Variants in RSL1D1 observed in about 807,000 individuals in gnomAD.
RSL1D1 encodes the protein ribosomal L1 domain-containing protein 1.
A neutral mutation model predicts 44.6 loss-of-function variants in RSL1D1; 34 were observed. The ratio of observed to expected loss-of-function variants is 0.76; its 90% CI spans 0.58 to 1.02. The LOEUF (loss-of-function observed/expected upper bound fraction) is 1.02, where lower values mean the gene tolerates loss of function less well. Ranked by LOEUF, RSL1D1 falls within the 50% of genes least tolerant of loss-of-function variation. The pLI, the probability that RSL1D1 is intolerant of heterozygous loss-of-function variation, is 0.00. For synonymous variants in RSL1D1, 271 were observed against 207.4 expected, an observed-to-expected ratio of 1.31 and a Z score of -2.63; for missense variants, 767 against 568.1, an observed-to-expected ratio of 1.35 and a Z score of -3.56.
rs914256454 is a variant in RSL1D1 at position 11,838,213 on chromosome 16, G to A, written c.1147-100C>T. ...TTTATTTGTATTTATTTATTTTTCA[G>A]ACTGAGTTTCGCTCTTGCTGCCCAT... On this transcript the variant is annotated intron_variant, in intron 8 of 8. Coordinates refer to ENST00000571133, the MANE Select transcript of RSL1D1 (RefSeq NM_015659.3). 8.3e-6 allele frequency: 9 copies of A among 1,085,976 alleles called. No individual in the cohort carries two copies. The African/African-American group carries it at 1.3e-4, about 15-fold the overall frequency. 67.3% of individuals were successfully genotyped at this position (1,085,976 alleles called of 1,614,324 possible).
chr16:11,844,538 C>T (rs1371276014), intron 5 of RSL1D1, among the ~76,000 whole-genome samples: 1 of 152,208 alleles, frequency 6.6e-6, no homozygotes, highest in African/African-American at 2.4e-5. Context: ...CTTCATTACA[C>T]CTGATGAAGG....
Position 11,848,701 on chromosome 16 carries a change from C to T in RSL1D1, c.246-895G>A, listed in dbSNP as rs769083827. ...TAGAGACAGGGTTTCGCCACATAGC[C>T]TGGGCTGGTCTTGAATTTGTGGGCT... is the stretch of plus-strand genomic sequence containing the variant. On this transcript the variant is annotated intron_variant, in intron 2 of 8. Transcript: ENST00000571133. 5.3e-4 allele frequency among the ~76,000 whole-genome samples: 81 copies of T among 152,234 alleles called. 1 individual carries two copies. The highest frequency in any genetic ancestry group is 8.8e-4 in the Non-Finnish European group (60 of 68,022).
At chr16:11,839,347 C>G (rs2053745779) in intron 8 of RSL1D1, among the ~76,000 whole-genome samples, 3 of 140,024 alleles carry the variant, frequency 2.1e-5, no homozygotes, top group Non-Finnish European at 3.0e-5. Flanking sequence ...GCCTGGGTGA[C>G]AGAGTGAGAC....
At position 11,834,647 on chromosome 16, in the gene RSL1D1, C is replaced by T. The variant is rs1347108696; in HGVS notation, c.*3140G>A. The T allele has an allele frequency of 6.6e-6, 1 of 152,208 alleles. No individual in the cohort carries two copies. The highest frequency in any genetic ancestry group is 2.4e-5 in the African/African-American group (1 of 41,462). 9.4% of individuals were successfully genotyped at this position (152,208 alleles called of 1,614,324 possible). A position where few individuals can be genotyped will look rare whatever the true frequency, so the allele number is the denominator to read the frequency against. On this transcript the variant is annotated 3_prime_UTR_variant, in exon 9 of 9. Coordinates refer to ENST00000571133, the MANE Select transcript of RSL1D1 (RefSeq NM_015659.3). ...CTTTAAGTGAAACAAGTCTATCCAA[C>T]CATCTTCCCATAAAACCTAGTTTCT...
At chr16:11,845,191 G>A (rs367709139) in intron 5 of RSL1D1, among the ~76,000 whole-genome samples, 7 of 152,168 alleles carry the variant, frequency 4.6e-5, no homozygotes, top group African/African-American at 1.7e-4. Flanking sequence ...GGTGGGTCAC[G>A]CCTATAATCT....
Position 11,839,957 on chromosome 16 carries a change from T to A in RSL1D1, c.884A>T (p.Asn295Ile). 1 of 1,612,454 alleles carries A rather than the reference T, an allele frequency of 6.2e-7. No individual in the cohort carries two copies. The highest frequency in any genetic ancestry group is 8.5e-7 in the Non-Finnish European group (1 of 1,179,474). Residue 295 changes from asparagine to isoleucine, a missense_variant, in exon 8 of 9, where the codon AAT becomes ATT. By Grantham distance (149) the Asn-to-Ile change is moderately radical (BLOSUM62 -3). Transcript: ENST00000571133. ...CTTCCTCTCCTTTTGTTTTTCAAAA[T>A]TTCTTTCTCTTCGTTTTCTCCTTGC... ...KEARRKRRERNFEKQKERKKK... is the reference protein window; with the variant it reads ...KEARRKRRERIFEKQKERKKK...
At chr16:11,847,286 A>C (rs1353648324) in intron 3 of RSL1D1, among the ~76,000 whole-genome samples, 1 of 152,106 alleles carries the variant, frequency 6.6e-6, no homozygotes, top group Non-Finnish European at 1.5e-5. Flanking sequence ...GAGGTGGGAG[A>C]ATAGCTTGAA....
At chr16:11,849,097 T>C (rs766293162) in intron 2 of RSL1D1, among the ~76,000 whole-genome samples, 6 of 151,956 alleles carry the variant, frequency 3.9e-5, no homozygotes, top group Non-Finnish European at 5.9e-5. Flanking sequence ...CTTTTAAGAA[T>C]TGAAACAGCC....
At chr16:11,846,460 T>A (rs1408715189) in intron 5 of RSL1D1, 41 bp downstream of exon 5, 1 of 998,854 alleles carries the variant, frequency 1.0e-6, no homozygotes, top group Non-Finnish European at 1.5e-6. Flanking sequence ...CATTGTCAAA[T>A]ACAAGATTAA....
At chr16:11,850,964 A>G in intron 1 of RSL1D1, 1 of 233,526 alleles carries the variant, frequency 4.3e-6, no homozygotes, top group South Asian at 4.6e-5. Context: ...TGCTGGGATT[A>G]CAGGCGTGAG....
chr16:11,844,636 C>T (rs981374467), intron 5 of RSL1D1, among the ~76,000 whole-genome samples: 1 of 152,188 alleles, frequency 6.6e-6, no homozygotes, highest in Non-Finnish European at 1.5e-5. Flanking sequence ...AGACACTCCC[C>T]TGGGGTCAGG....
rs2053717966 is a variant in RSL1D1, at chr16:11,836,306, T to G, written c.*1481A>C. The G allele has an allele frequency of 6.6e-6, 1 of 152,216 alleles. No homozygotes were observed. Among genetic ancestry groups the G allele is most frequent in the Non-Finnish European group, 1.5e-5 (1 of 68,052 alleles). The allele number at this position is 152,216 out of a possible 1,614,324, so 9.4% of individuals were successfully genotyped here. On this transcript the variant is annotated 3_prime_UTR_variant, in exon 9 of 9. Coordinates refer to ENST00000571133, the MANE Select transcript of RSL1D1 (RefSeq NM_015659.3). ...ACTGGACTTTGTCACCCCCACGACC[T>G]GGTGTTGGGTCTGGTCACCCTAACA...
At chr16:11,846,208 C>T (rs1172620555) in intron 5 of RSL1D1, among the ~76,000 whole-genome samples, 8 of 151,158 alleles carry the variant, frequency 5.3e-5, no homozygotes, top group East Asian at 2.0e-4. Flanking sequence ...CTGGCTAACT[C>T]GGTGAAACCC....
rs1008423170 is a variant in RSL1D1, at chr16:11,846,522, A to G, written c.614T>C (p.Ile205Thr). 9.5e-6 allele frequency: 15 copies of G among 1,582,644 alleles called. No homozygotes were observed. In the East Asian group the frequency reaches 3.3e-4, roughly 35 times the overall value. ...CTACCTGCAAGAACCACTTTTAGAAATGTTTAAGACTGTTCCACCTATACA... is the reference window on the plus strand; with the variant it reads ...CTACCTGCAAGAACCACTTTTAGAAGTGTTTAAGACTGTTCCACCTATACA... ...NDCIGGTVLN[I>T]SKSGSCSAIR... The change falls in exon 5 of 9, where the codon ATT becomes ACT. Residue 205 changes from isoleucine to threonine, a missense_variant. Ile to Thr is a moderately conservative substitution (Grantham distance 89). Transcript: ENST00000571133.
Position 11,846,556 on chromosome 16 carries a change from T to A in RSL1D1, c.580A>T (p.Ile194Phe), listed in dbSNP as rs1202510427. Reference sequence around the variant, plus strand: ...ACTGTTCCACCTATACAGTCATTGATCTCTCTTGATAAATTCTTGGACAGA... The same window carrying A: ...ACTGTTCCACCTATACAGTCATTGAACTCTCTTGATAAATTCTTGGACAGA... ...NLLSKNLSREINDCIGGTVLN... is the reference protein window; with the variant it reads ...NLLSKNLSREFNDCIGGTVLN... The change falls in exon 5 of 9, where the codon ATC becomes TTC. Residue 194 changes from isoleucine (I) to phenylalanine (F), a missense_variant. Physicochemically the swap from Ile to Phe is conservative, Grantham distance 21 (BLOSUM62 0). Transcript: ENST00000571133. The A allele has an allele frequency of 6.2e-7, 1 of 1,607,872 alleles. No individual in the cohort carries two copies. The highest frequency in any genetic ancestry group is 8.5e-7 in the Non-Finnish European group (1 of 1,177,426).
At chr16:11,844,790 G>A (rs752051637) in intron 5 of RSL1D1, among the ~76,000 whole-genome samples, 17 of 152,282 alleles carry the variant, frequency 1.1e-4, no homozygotes, top group Admixed American at 2.0e-4. Flanking sequence ...TCTCCACACC[G>A]CAGTCAGCAA....
intron 5 of RSL1D1, among the ~76,000 whole-genome samples, chr16:11,842,655 T>C (rs201827135): frequency 7.4e-6 from 1 of 134,500 alleles, no homozygotes; most frequent in African/African-American, 3.0e-5. Context: ...ATTATACACA[T>C]GAGTCACCAC....
Position 11,835,588 on chromosome 16 carries a change from G to C in RSL1D1, c.*2199C>G, listed in dbSNP as rs2053710721. On this transcript the variant is annotated 3_prime_UTR_variant, in exon 9 of 9. Coordinates refer to ENST00000571133, the MANE Select transcript of RSL1D1 (RefSeq NM_015659.3). ...GGCCCATTGCAGCCTCTACCTCCCG[G>C]GTTCAAGCAATCCTCCCACCTCAGC... 1 of 152,222 alleles carries C rather than the reference G, an allele frequency of 6.6e-6. No homozygotes were observed. Among genetic ancestry groups the C allele is most frequent in the South Asian group, 2.1e-4 (1 of 4,840 alleles). 9.4% of individuals were successfully genotyped at this position (152,222 alleles called of 1,614,324 possible). A position where few individuals can be genotyped will look rare whatever the true frequency, so the allele number is the denominator to read the frequency against.
intron 2 of RSL1D1, among the ~76,000 whole-genome samples, chr16:11,849,857 T>A (rs1242878770): frequency 6.6e-6 from 1 of 152,168 alleles, no homozygotes. Context: ...TTTTTATTAT[T>A]TTTTATTTTT....
Sources: allele counts gnomAD v4.1 joint callset (sites outside exome capture counted in the v4.1 genomes callset), GRCh38; gene constraint gnomAD v4.1.1; transcripts MANE v1.5; gene names NCBI Gene and HGNC (gene_info 2026-07-23, HGNC 2026-07-21).